The following MGAT4C variants were observed in gnomAD, a reference collection of about 807,000 sequenced individuals.
MGAT4C encodes MGAT4 family member C, also known as alpha-1,3-mannosyl-glycoprotein 4-beta-N-acetylglucosaminyltransferase C.
In MGAT4C, 19 loss-of-function variants were observed where a neutral mutation model predicts 40.1. That is an observed-to-expected ratio of 0.47 (90% CI 0.33 to 0.70). MGAT4C has a LOEUF of 0.70. Among genes scored for constraint, MGAT4C ranks in the 30% least tolerant of loss-of-function variants. The pLI is 0.02. For missense variants in MGAT4C, 491 were observed against 563.2 expected (o/e 0.87, Z 1.30); for synonymous variants, 181 against 187.1 (o/e 0.97, Z 0.27).
At chr12:86,037,275 G>C (rs144714172) in intron 2 of MGAT4C, among the ~76,000 whole-genome samples, 20 of 149,450 alleles carry the variant, frequency 1.3e-4, no homozygotes, top group African/African-American at 4.6e-4. Context: ...AGAGTTTTTC[G>C]TGTTTCTATC....
chr12:86,400,265 A>G (rs1482560637), intron 3 of MGAT4C, among the ~76,000 whole-genome samples: 1 of 152,212 alleles, frequency 6.6e-6, no homozygotes, highest in African/African-American at 2.4e-5. Flanking sequence ...TATTCACACT[A>G]TTACAATGTG....
chr12:86,225,452 A>G (rs906699517), intron 1 of MGAT4C, among the ~76,000 whole-genome samples: 1 of 152,108 alleles, frequency 6.6e-6, no homozygotes, highest in Non-Finnish European at 1.5e-5. Flanking sequence ...TATGAGGCCA[A>G]CATCACCCCA....
chr12:86,565,389 C>T (rs147844213), intron 2 of MGAT4C, among the ~76,000 whole-genome samples: 100 of 152,292 alleles, frequency 6.6e-4, no homozygotes, highest in South Asian at 1.7e-3. Flanking sequence ...AAGACTAGGG[C>T]CTGGTTTACA....
At chr12:86,126,363 C>A (rs1156715399) in intron 1 of MGAT4C, among the ~76,000 whole-genome samples, 1 of 151,896 alleles carries the variant, frequency 6.6e-6, no homozygotes, top group African/African-American at 2.4e-5. Context: ...GTGGAAGACT[C>A]CAGTGCATAA....
At chr12:86,512,368 A>G (rs548686743) in intron 2 of MGAT4C, among the ~76,000 whole-genome samples, 1 of 152,236 alleles carries the variant, frequency 6.6e-6, no homozygotes, top group East Asian at 1.9e-4. Context: ...TAAACATTTT[A>G]AAATATAACT....
At chr12:86,322,247 G>T (rs1283900293) in intron 4 of MGAT4C, among the ~76,000 whole-genome samples, 2 of 144,160 alleles carry the variant, frequency 1.4e-5, no homozygotes, top group Non-Finnish European at 3.0e-5. Flanking sequence ...GGGGGAGGGA[G>T]AGCATTAGGA....
chr12:85,979,314 C>T lies in MGAT4C; in HGVS notation c.1412G>A (p.Arg471Lys). 1 of 1,605,288 alleles carries T rather than the reference C, an allele frequency of 6.2e-7. No individual in the cohort carries two copies. The highest frequency in any genetic ancestry group is 1.7e-5 in the Admixed American group (1 of 59,358). The change falls in exon 5 of 5, where the codon AGG (arginine) becomes AAG (lysine). Residue 471 changes from arginine (R) to lysine (K), a missense_variant. Coordinates refer to ENST00000611864, the MANE Select transcript of MGAT4C (RefSeq NM_001351288.2). ...TKTQKEWLII[R>K]SISIWTS The stretch of plus-strand genomic sequence containing the variant: ...CTAAGAAGTCCAAATGCTAATACTC[C>T]TAATAATTAGCCATTCCTTTTGTGT...
chr12:86,484,965 C>A (rs1300242947), intron 2 of MGAT4C, among the ~76,000 whole-genome samples: 2 of 152,138 alleles, frequency 1.3e-5, no homozygotes, highest in African/African-American at 4.8e-5. Context: ...GCACCATCTA[C>A]TAGATTACAG....
chr12:86,701,458 C>T (rs1487696819), intron 2 of MGAT4C, among the ~76,000 whole-genome samples: 1 of 151,968 alleles, frequency 6.6e-6, no homozygotes, highest in African/African-American at 2.4e-5. Flanking sequence ...TGACATGAGC[C>T]GTACCCATAT....
rs185927193 is a variant in MGAT4C at position 86,253,186 on chromosome 12, C to T, written c.-57+3053G>A. ...TTTTATAGTAAATTAAAGATGAGAGCTTTTCAGGTAGAAAAAAAATAATAT... is the reference window on the plus strand; with the variant it reads ...TTTTATAGTAAATTAAAGATGAGAGTTTTTCAGGTAGAAAAAAAATAATAT... On this transcript the variant is annotated intron_variant, in intron 1 of 4. Coordinates refer to ENST00000611864, the MANE Select transcript of MGAT4C (RefSeq NM_001351288.2). 5.3e-5 allele frequency among the ~76,000 whole-genome samples: 8 copies of T among 151,834 alleles called. No homozygotes were observed. The East Asian group carries it at 1.2e-3, about 22-fold the overall frequency.
intron 2 of MGAT4C, among the ~76,000 whole-genome samples, chr12:86,581,297 G>GATAA (rs1960769345): frequency 1.3e-5 from 2 of 151,378 alleles, no homozygotes; most frequent in African/African-American, 4.8e-5. Flanking sequence ...CTTGTGCCTA[G>GATAA]ATAATAGCCA....
At chr12:86,706,736 A>T (rs972626193) in intron 2 of MGAT4C, among the ~76,000 whole-genome samples, 1 of 152,276 alleles carries the variant, frequency 6.6e-6, no homozygotes, top group South Asian at 2.1e-4. Flanking sequence ...CAAAAACAAA[A>T]ACAACAACCA....
chr12:86,548,261 A>G (rs1959211650), intron 2 of MGAT4C, among the ~76,000 whole-genome samples: 1 of 152,094 alleles, frequency 6.6e-6, no homozygotes, highest in African/African-American at 2.4e-5. Flanking sequence ...GATGATCCAC[A>G]CTGGGAGGGC....
intron 2 of MGAT4C, among the ~76,000 whole-genome samples, chr12:86,495,523 G>A (rs911108759): frequency 6.6e-5 from 10 of 151,990 alleles, no homozygotes; most frequent in African/African-American, 2.4e-4. Context: ...AAGACTGGCT[G>A]GTGTTCTGTG....
chr12:86,774,287 CTTTCTT>C (rs1951695239), intron 1 of MGAT4C, among the ~76,000 whole-genome samples: 1 of 23,538 alleles, frequency 4.2e-5, no homozygotes, highest in Non-Finnish European at 1.1e-4. Flanking sequence ...CTTGCTCTTT[CTTTCTT>C]TCTTTCTTTC....
chr12:86,834,792 C>A (rs565933488), intron 1 of MGAT4C, among the ~76,000 whole-genome samples: 2 of 151,800 alleles, frequency 1.3e-5, no homozygotes, highest in Non-Finnish European at 2.9e-5. Flanking sequence ...GGTGTGTAGG[C>A]GGGTTGTAGG....
At chr12:86,701,439 G>A (rs986842684) in intron 2 of MGAT4C, among the ~76,000 whole-genome samples, 2 of 151,902 alleles carry the variant, frequency 1.3e-5, no homozygotes, top group African/African-American at 4.8e-5. Flanking sequence ...TTTTGTAATC[G>A]TTTTAGGGTG....
intron 2 of MGAT4C, among the ~76,000 whole-genome samples, chr12:86,012,348 T>C (rs546878419): frequency 6.6e-6 from 1 of 152,320 alleles, no homozygotes; most frequent in South Asian, 2.1e-4. Context: ...TATAACAATA[T>C]CCTTACTTCT....
At chr12:86,499,600 C>T (rs1230580466) in intron 2 of MGAT4C, among the ~76,000 whole-genome samples, 1 of 151,712 alleles carries the variant, frequency 6.6e-6, no homozygotes, top group Non-Finnish European at 1.5e-5. Context: ...ATCCCCAAAC[C>T]AACTATTTGT....
Sources: gnomAD v4.1 joint callset for allele counts (sites outside exome capture counted in the v4.1 genomes callset) on GRCh38, gnomAD v4.1.1 for gene constraint, MANE v1.5 for transcripts, NCBI Gene and HGNC (gene_info 2026-07-23, HGNC 2026-07-21) for gene names.